DOCK10: variants seen among roughly 807,000 people sequenced by gnomAD.
The protein encoded by DOCK10 is dedicator of cytokinesis protein 10.
In DOCK10, 145 loss-of-function variants were observed where a neutral mutation model predicts 280.1. The observed-to-expected ratio is 0.52, with a 90% confidence interval of 0.45 to 0.59. The LOEUF (loss-of-function observed/expected upper bound fraction) is 0.59. DOCK10 is among the 20% of genes least tolerant of loss of function. DOCK10 has a pLI of 0.00. For synonymous variants in DOCK10, 915 were observed against 942.2 expected, an observed-to-expected ratio of 0.97 and a Z score of 0.53; for missense variants, 2,368 against 2,651.7, an observed-to-expected ratio of 0.89 and a Z score of 2.35.
chr2:224,911,170 A>T (rs1489680953), intron 3 of DOCK10, among the ~76,000 whole-genome samples: 1 of 152,160 alleles, frequency 6.6e-6, no homozygotes, highest in African/African-American at 2.4e-5. Context: ...TAAGACGCTG[A>T]GGTACAAGAG....
At chr2:224,992,962 A>G (rs1375623) in intron 1 of DOCK10, among the ~76,000 whole-genome samples, 9,707 of 152,252 alleles carry the variant, frequency 0.064, 414 homozygotes, top group African/African-American at 0.11. Context: ...GATATACCAC[A>G]TTCCCCTATA....
Position 224,906,528 on chromosome 2 carries a change from G to A in DOCK10, c.334-10151C>T, listed in dbSNP as rs115895661. ...TCCCAGGCTGGAGTGCAGTGTGCTG[G>A]AGTGCAGTAGTGTGATCTCAGCTCA... On this transcript the variant is annotated intron_variant, in intron 3 of 55. Transcript: ENST00000258390. Among the ~76,000 whole-genome samples the A allele has an allele frequency of 8.8e-3, 1,333 of 152,162 alleles. 13 individuals carry two copies. Among genetic ancestry groups the A allele is most frequent in the Non-Finnish European group, 0.014 (949 of 68,016 alleles).
chr2:225,035,178 C>T (rs1398868712), intron 1 of DOCK10, among the ~76,000 whole-genome samples: 2 of 152,096 alleles, frequency 1.3e-5, no homozygotes, highest in Non-Finnish European at 1.5e-5. Flanking sequence ...TACCAACTCC[C>T]ATTCATTAGA....
At position 224,997,945 on chromosome 2, in the gene DOCK10, C is replaced by T. The variant is rs78834391; in HGVS notation, c.123+44307G>A. ...ACCAGAAGACCAAGCAGGGTGTGGGCGTGTAGGCATGGAGATATAAACAAC... is the reference window on the plus strand; with the variant it reads ...ACCAGAAGACCAAGCAGGGTGTGGGTGTGTAGGCATGGAGATATAAACAAC... On this transcript the variant is annotated intron_variant, in intron 1 of 55. Coordinates refer to ENST00000258390, the MANE Select transcript of DOCK10 (RefSeq NM_014689.3). Among the ~76,000 whole-genome samples, 1,060 of 152,144 alleles carry T rather than the reference C, an allele frequency of 7.0e-3. 16 individuals carry two copies. The highest frequency in any genetic ancestry group is 0.024 in the African/African-American group (982 of 41,508).
At chr2:224,960,730 CTTTTTTT>C (rs71281764) in intron 1 of DOCK10, among the ~76,000 whole-genome samples, 151 of 70,240 alleles carry the variant, frequency 2.1e-3, no homozygotes, top group African/African-American at 7.0e-3. Flanking sequence ...TCACCAAATT[CTTTTTTT>C]TTTTTTTTTT....
intron 1 of DOCK10, among the ~76,000 whole-genome samples, chr2:225,025,099 G>A (rs549861834): frequency 6.6e-6 from 1 of 152,270 alleles, no homozygotes; most frequent in South Asian, 2.1e-4. Flanking sequence ...TAGAAAACAA[G>A]TATTTGCCAC....
In DOCK10 at chr2:224,801,211, A is replaced by G. The variant is rs962866064; in HGVS notation, c.4393+705T>C. ...ATCAAGAAAAGGTCCTGAAGAGGGA[A>G]AGGGGATTCTTTACAGAATGCAAAA... On this transcript the variant is annotated intron_variant, in intron 40 of 55. Transcript: ENST00000258390. 6.1e-5 allele frequency among the ~76,000 whole-genome samples: 9 copies of G among 147,348 alleles called. No homozygotes were observed. In the East Asian group the frequency reaches 1.8e-3, roughly 29 times the overall value.
chr2:224,902,858 C>T (rs1217706347), intron 3 of DOCK10, among the ~76,000 whole-genome samples: 2 of 152,078 alleles, frequency 1.3e-5, no homozygotes, highest in Non-Finnish European at 2.9e-5. Flanking sequence ...CTTAGGGAGG[C>T]CAACGCGGGC....
In DOCK10 at chr2:225,030,441, G is replaced by C. The variant is rs973306134; in HGVS notation, c.123+11811C>G. On this transcript the variant is annotated intron_variant, in intron 1 of 55. Transcript: ENST00000258390. ...GGAAACAGACTGCTTTCAAAACCCT[G>C]TGGCTCACACTCCTTGGACTTTAAT... 2.0e-5 allele frequency among the ~76,000 whole-genome samples: 3 copies of C among 152,270 alleles called. No homozygotes were observed. In the East Asian group the frequency reaches 5.8e-4, roughly 29 times the overall value.
At chr2:224,808,585 G>A (rs1320028489) in intron 31 of DOCK10, among the ~76,000 whole-genome samples, 1 of 152,062 alleles carries the variant, frequency 6.6e-6, no homozygotes, top group Non-Finnish European at 1.5e-5. Flanking sequence ...GGTATGGAGG[G>A]GAGCACGAGT....
intron 50 of DOCK10, among the ~76,000 whole-genome samples, chr2:224,781,023 C>T (rs1474214462): frequency 1.3e-5 from 2 of 152,068 alleles, no homozygotes; most frequent in African/African-American, 4.8e-5. Context: ...CTGTAAGGAC[C>T]GCGCTTGGTA....
At chr2:225,007,673 T>A (rs752100708) in intron 1 of DOCK10, among the ~76,000 whole-genome samples, 2 of 152,152 alleles carry the variant, frequency 1.3e-5, no homozygotes, top group African/African-American at 2.4e-5. Context: ...CTGGTTTTCA[T>A]GGCAGTGATG....
At chr2:224,873,134 A>G (rs139656178) in intron 11 of DOCK10, among the ~76,000 whole-genome samples, 4 of 152,328 alleles carry the variant, frequency 2.6e-5, no homozygotes, top group Middle Eastern at 3.4e-3. Context: ...TATTTATTTA[A>G]CATCCATCTA....
chr2:224,897,219 G>T (rs1289542074), intron 3 of DOCK10, among the ~76,000 whole-genome samples: 1 of 152,060 alleles, frequency 6.6e-6, no homozygotes, highest in African/African-American at 2.4e-5. Flanking sequence ...CTAAGGCACA[G>T]TCTTTCTCTG....
At chr2:224,990,911 G>A (rs537938535) in intron 1 of DOCK10, among the ~76,000 whole-genome samples, 3 of 152,242 alleles carry the variant, frequency 2.0e-5, no homozygotes, top group Non-Finnish European at 4.4e-5. Flanking sequence ...AGGATGTCAC[G>A]TGATTCCCTC....
At chr2:224,855,064 GACACACACACACAC>G (rs60658292) in intron 15 of DOCK10, 22 bp from the exon 16 acceptor site, 40 of 575,452 alleles carry the variant, frequency 7.0e-5, no homozygotes, top group Admixed American at 1.5e-4. Context: ...CATGAGCAAG[GACACACACACACAC>G]ACACACACAC....
chr2:224,853,078 T>C lies in DOCK10; in HGVS notation c.1933A>G (p.Met645Val), dbSNP rs371520640. 11 of 1,608,506 alleles carry C rather than the reference T, an allele frequency of 6.8e-6. No individual in the cohort carries two copies. Among genetic ancestry groups the C allele is most frequent in the Admixed American group, 3.3e-5 (2 of 59,800 alleles). ...TCCACTGTGGGTTCTGTTTGAGCCATCATGTTGAAAGGCTTGACAGGGATA... is the reference window on the plus strand; with the variant it reads ...TCCACTGTGGGTTCTGTTTGAGCCACCATGTTGAAAGGCTTGACAGGGATA... ...SFIPVKPFNM[M>V]AQTEPTVEVE... The change falls in exon 17 of 56, where the codon ATG becomes GTG. Residue 645 changes from methionine to valine, a missense_variant. Met to Val is a conservative substitution (Grantham distance 21). This residue lies in a region of DOCK10 where 1,209 missense variants were observed against 1,250.9 expected (regional missense o/e 0.97). Coordinates refer to ENST00000258390, the MANE Select transcript of DOCK10 (RefSeq NM_014689.3).
intron 22 of DOCK10, among the ~76,000 whole-genome samples, chr2:224,844,483 A>G (rs184509275): frequency 2.3e-4 from 35 of 152,212 alleles, no homozygotes; most frequent in Admixed American, 1.2e-3. Context: ...GTGGAAGCAA[A>G]CCATACTCCA....
chr2:224,814,032 A>G (rs1480708587), intron 31 of DOCK10, among the ~76,000 whole-genome samples: 1 of 152,204 alleles, frequency 6.6e-6, no homozygotes, highest in Non-Finnish European at 1.5e-5. Flanking sequence ...ATGTTATTAT[A>G]TATATCTGGG....
Sources: gnomAD v4.1 joint callset for allele counts (sites outside exome capture counted in the v4.1 genomes callset) on GRCh38, gnomAD v4.1.1 for gene constraint, gnomAD v4.1.1 regional missense constraint, MANE v1.5 for transcripts, NCBI Gene and HGNC (gene_info 2026-07-23, HGNC 2026-07-21) for gene names.